COL5A3: variants seen among roughly 807,000 people sequenced by gnomAD.
The protein encoded by COL5A3 is collagen type V alpha 3 chain.
A neutral mutation model predicts 250.0 loss-of-function variants in COL5A3; 172 were observed. The ratio of observed to expected loss-of-function variants is 0.69; its 90% CI spans 0.61 to 0.78. COL5A3 has a LOEUF of 0.78. Among genes scored for constraint, COL5A3 ranks in the 30% least tolerant of loss-of-function variants. The pLI, the probability that COL5A3 is intolerant of heterozygous loss-of-function variation, is 0.00. For synonymous variants in COL5A3, 937 were observed against 900.4 expected (o/e 1.04, Z -0.73); for missense variants, 2,340 against 2,334.4 (o/e 1.00, Z -0.05).
chr19:9,994,143 G>A (rs1398543060), intron 16 of COL5A3, among the ~76,000 whole-genome samples: 5 of 151,254 alleles, frequency 3.3e-5, no homozygotes, highest in Admixed American at 3.3e-4. Flanking sequence ...TTACAGGCAT[G>A]AGCCACCATG....
chr19:9,995,547 A>G lies in COL5A3; in HGVS notation c.1587+17T>C. 1 of 1,604,910 alleles carries G rather than the reference A, an allele frequency of 6.2e-7. No individual in the cohort carries two copies. The highest frequency in any genetic ancestry group is 8.5e-7 in the Non-Finnish European group (1 of 1,174,968). ...GGGATGGATAAGGGGTGGTCTGGGG[A>G]CCTAGCTGTCACTCACCATCTTGCC... On this transcript the variant is annotated intron_variant, in intron 16 of 66. Coordinates refer to ENST00000264828, the MANE Select transcript of COL5A3 (RefSeq NM_015719.4).
In COL5A3 at chr19:10,005,548, G is replaced by T; in HGVS notation, c.594+10C>A. ...CTCTGCCTCAGTTTCCCCCATCACT[G>T]AACTCCTACCTCGAAAGTCTTTTCC... On this transcript the variant is annotated intron_variant, in intron 4 of 66. Transcript: ENST00000264828. 6.2e-7 allele frequency: 1 copy of T among 1,613,800 alleles called. No homozygotes were observed. Among genetic ancestry groups the T allele is most frequent in the South Asian group, 1.1e-5 (1 of 91,054 alleles).
intron 53 of COL5A3, 29 bp from the exon 54 acceptor site, chr19:9,970,704 T>C: frequency 7.1e-7 from 1 of 1,406,188 alleles, no homozygotes; most frequent in Non-Finnish European, 9.3e-7. Context: ...CCAGCTGTGG[T>C]CTCAGCTAAC....
In COL5A3 at chr19:9,995,550, T is replaced by C. The variant is rs374176356; in HGVS notation, c.1587+14A>G. 128 of 1,605,992 alleles carry C rather than the reference T, an allele frequency of 8.0e-5. No individual in the cohort carries two copies. The highest frequency in any genetic ancestry group is 2.7e-4 in the South Asian group (24 of 89,962). ...ATGGATAAGGGGTGGTCTGGGGACCTAGCTGTCACTCACCATCTTGCCCAC... is the reference window on the plus strand; with the variant it reads ...ATGGATAAGGGGTGGTCTGGGGACCCAGCTGTCACTCACCATCTTGCCCAC... On this transcript the variant is annotated intron_variant, in intron 16 of 66. Coordinates refer to ENST00000264828, the MANE Select transcript of COL5A3 (RefSeq NM_015719.4).
At chr19:9,996,892 C>A in intron 11 of COL5A3, 1 of 569,920 alleles carries the variant, frequency 1.8e-6, no homozygotes, top group Non-Finnish European at 3.0e-6. Flanking sequence ...GGAACAGAGA[C>A]AAAGAGAAGG....
chr19:9,989,572 G>T, intron 24 of COL5A3, 50 bp from the exon 25 acceptor site: 1 of 1,524,448 alleles, frequency 6.6e-7, no homozygotes, highest in Non-Finnish European at 8.9e-7. Flanking sequence ...CAGAGCCCTG[G>T]AGCACCACTA....
In COL5A3 at chr19:9,989,173, G is replaced by A. The variant is rs756336468; in HGVS notation, c.2096C>T (p.Pro699Leu). ...GCCCGGAGGGCCTGCCGACCCTGGT[G>A]GACCCTGGGAGGAAAATAAGGTCAG... ...GPTGEKGAQG[P>L]PGSAGPPGYP... Residue 699 changes from proline (P) to leucine (L), a missense_variant, in exon 27 of 67, where the codon CCA becomes CTA. By Grantham distance (98) the Pro-to-Leu change is moderately conservative. Coordinates refer to ENST00000264828, the MANE Select transcript of COL5A3 (RefSeq NM_015719.4). 3.7e-6 allele frequency: 6 copies of A among 1,614,178 alleles called. No homozygotes were observed. The highest frequency in any genetic ancestry group is 5.1e-6 in the Non-Finnish European group (6 of 1,180,016).
Position 9,992,812 on chromosome 19 carries a change from G to A in COL5A3, c.1848+15C>T. The A allele has an allele frequency of 6.2e-7, 1 of 1,612,778 alleles. No homozygotes were observed. The highest frequency in any genetic ancestry group is 8.5e-7 in the Non-Finnish European group (1 of 1,178,978). On this transcript the variant is annotated intron_variant, in intron 21 of 66. Transcript: ENST00000264828. ...AAAAAGACAGACAGGGATGCAGAGA[G>A]CCAGTGACACTCACCGGGCGACCCG...
At chr19:10,001,974 C>A in intron 6 of COL5A3, 93 bp from the exon 7 acceptor site, 2 of 854,270 alleles carry the variant, frequency 2.3e-6, no homozygotes, top group East Asian at 2.5e-5. Context: ...AGCTCCCAGT[C>A]CGGGGACAGG....
chr19:9,961,220 G>T (rs1296749138), intron 65 of COL5A3, among the ~76,000 whole-genome samples: 2 of 152,190 alleles, frequency 1.3e-5, no homozygotes, highest in East Asian at 3.9e-4. Context: ...TGAGTCGCTG[G>T]ATCTACAGAG....
At chr19:9,977,169 C>T (rs1326487358) in intron 44 of COL5A3, 60 bp downstream of exon 44, 24 of 1,525,920 alleles carry the variant, frequency 1.6e-5, no homozygotes, top group Non-Finnish European at 2.1e-5. Context: ...CTCTACATCC[C>T]TGGCCTCCTC....
Position 9,973,967 on chromosome 19 carries a change from GGGA to G in COL5A3, c.3507_3509del (p.Pro1170del). On this transcript the variant is annotated inframe_deletion and splice_region_variant, in exon 48 of 67. Coordinates refer to ENST00000264828, the MANE Select transcript of COL5A3 (RefSeq NM_015719.4). ...GACCCCGAGGACCTGGAGCTCCATGGGGACCCTGTGGAAGGTCAGAATTAGTAC... is the reference window on the plus strand; with the variant it reads ...GACCCCGAGGACCTGGAGCTCCATGGCCCTGTGGAAGGTCAGAATTAGTAC... 6.5e-7 allele frequency: 1 copy of G among 1,538,116 alleles called. No individual in the cohort carries two copies. Among genetic ancestry groups the G allele is most frequent in the Non-Finnish European group, 8.7e-7 (1 of 1,142,982 alleles).
At chr19:9,971,560 C>T (rs74812031) in intron 51 of COL5A3, among the ~76,000 whole-genome samples, 7 of 151,948 alleles carry the variant, frequency 4.6e-5, no homozygotes, top group African/African-American at 7.3e-5. Context: ...CATTCATTCA[C>T]TCATTCATTC....
intron 8 of COL5A3, 111 bp from the exon 9 acceptor site, chr19:9,998,260 AGTC>A: frequency 3.1e-5 from 33 of 1,067,520 alleles, no homozygotes; most frequent in Non-Finnish European, 3.8e-5. Context: ...ACACACACGG[AGTC>A]CACCCTCAGA....
intron 35 of COL5A3, 37 bp from the exon 36 acceptor site, chr19:9,980,084 T>G: frequency 6.4e-7 from 1 of 1,561,138 alleles, no homozygotes; most frequent in South Asian, 1.2e-5. Context: ...TCATCCCCCC[T>G]GCCTCCCTGC....
chr19:9,965,118 T>A (rs16997011), intron 64 of COL5A3, among the ~76,000 whole-genome samples: 23,747 of 150,238 alleles, frequency 0.16, 2,252 homozygotes, highest in East Asian at 0.23. Context: ...GCACAGCCAC[T>A]CTATGAAGTA....
chr19:10,008,844 G>C (rs1390773755), intron 1 of COL5A3, among the ~76,000 whole-genome samples: 1 of 152,130 alleles, frequency 6.6e-6, no homozygotes, highest in Non-Finnish European at 1.5e-5. Context: ...TTCTGTGTGA[G>C]AGTGTGACCC....
In COL5A3 at chr19:9,974,187, C is replaced by T; in HGVS notation, c.3488G>A (p.Gly1163Glu). ...AGTGCATACCATGGACCCGACGTCT[C>T]CGACCTCCCCTTTCTCTCCCGGAGG... ...PGPPGEKGEV[G>E]DVGSMGPHGA... is the part of the protein sequence containing the mutation. The change falls in exon 47 of 67, where the codon GGA (glycine) becomes GAA (glutamate). Residue 1163 changes from glycine to glutamate, a missense_variant. Physicochemically the swap from Gly to Glu is moderately conservative, Grantham distance 98. Around this residue, in one of 3 missense-constraint regions of COL5A3, gnomAD observed 1,179 missense variants for 1,162.6 expected, o/e 1.01. Coordinates refer to ENST00000264828, the MANE Select transcript of COL5A3 (RefSeq NM_015719.4). The T allele has an allele frequency of 6.2e-7, 1 of 1,614,076 alleles. No individual in the cohort carries two copies. Among genetic ancestry groups the T allele is most frequent in the Non-Finnish European group, 8.5e-7 (1 of 1,180,000 alleles).
At chr19:9,973,526 G>A (rs778343584) in intron 50 of COL5A3, 44 bp downstream of exon 50, 4 of 1,581,694 alleles carry the variant, frequency 2.5e-6, no homozygotes, top group Admixed American at 1.7e-5. Flanking sequence ...GGGGTCAGGG[G>A]TTCCCTGAGT....
Sources: gnomAD v4.1 joint callset for allele counts (sites outside exome capture counted in the v4.1 genomes callset) on GRCh38, gnomAD v4.1.1 for gene constraint, gnomAD v4.1.1 regional missense constraint, MANE v1.5 for transcripts, NCBI Gene and HGNC (gene_info 2026-07-23, HGNC 2026-07-21) for gene names.